HARS2: variants seen among roughly 807,000 people sequenced by gnomAD.
HARS2 encodes the protein histidine--tRNA ligase, mitochondrial.
Under a neutral mutation model 62.4 loss-of-function variants are expected in HARS2, and 40 were observed. That is an observed-to-expected ratio of 0.64 (90% confidence interval 0.50 to 0.83). The LOEUF (loss-of-function observed/expected upper bound fraction) is 0.83, where lower values mean the gene tolerates loss of function less well. Among genes scored for constraint, HARS2 ranks in the 40% least tolerant of loss-of-function variants. The pLI is 0.00. For missense variants in HARS2, 569 were observed against 626.4 expected, an observed-to-expected ratio of 0.91 and a Z score of 0.98; for synonymous variants, 228 against 227.0, an observed-to-expected ratio of 1.00 and a Z score of -0.04.
intron 1 of HARS2, chr5:140,692,391 G>A (rs1367869538): frequency 1.3e-5 from 2 of 154,538 alleles, no homozygotes; most frequent in African/African-American, 4.8e-5. Context: ...CTTAGCAGAT[G>A]CTTTGTGCTA....
chr5:140,696,401 C>A, intron 7 of HARS2, 120 bp from the exon 8 acceptor site: 2 of 860,158 alleles, frequency 2.3e-6, no homozygotes, highest in Non-Finnish European at 4.0e-6. Context: ...CTGTCTCTGA[C>A]TTTGCTGAGT....
intron 1 of HARS2, chr5:140,693,389 C>T (rs1272769713): frequency 9.5e-7 from 1 of 1,048,044 alleles, no homozygotes; most frequent in African/African-American, 1.6e-5. Context: ...AAGACCTGAC[C>T]TCATATATAT....
At chr5:140,693,404 C>A (rs992785011) in intron 1 of HARS2, 187 bp from the exon 2 acceptor site, 3 of 1,137,540 alleles carry the variant, frequency 2.6e-6, no homozygotes, top group Admixed American at 2.0e-5. Flanking sequence ...ATATATTACA[C>A]GTGTAATTGT....
chr5:140,695,681 C>T (rs1466802706), intron 5 of HARS2, 48 bp downstream of exon 5: 2 of 1,613,950 alleles, frequency 1.2e-6, no homozygotes, highest in Admixed American at 3.3e-5. Context: ...CTAGGGGCCA[C>T]AACCTTGAAA....
chr5:140,695,362 T>G, intron 4 of HARS2, 146 bp from the exon 5 acceptor site: 1 of 873,704 alleles, frequency 1.1e-6, no homozygotes, highest in Non-Finnish European at 2.0e-6. Flanking sequence ...TTCCAAGCAC[T>G]GCTAGGCCTT....
In HARS2 at chr5:140,695,501, A is replaced by G; in HGVS notation, c.400-7A>G. The G allele has an allele frequency of 1.9e-6, 3 of 1,614,002 alleles. No homozygotes were observed. The highest frequency in any genetic ancestry group is 2.5e-6 in the Non-Finnish European group (3 of 1,179,964). On this transcript the variant is annotated splice_region_variant and splice_polypyrimidine_tract_variant and intron_variant, in intron 4 of 12. Transcript: ENST00000230771. ...AGTATCCCTCTTCCTTAACCCATTTATGTGAGGTTCCCTTTGCTCGTTATC... is the reference window on the plus strand; with the variant it reads ...AGTATCCCTCTTCCTTAACCCATTTGTGTGAGGTTCCCTTTGCTCGTTATC...
In HARS2 at chr5:140,691,511, G is replaced by A; in HGVS notation, c.-138G>A. The A allele has an allele frequency of 1.3e-6, 1 of 749,394 alleles. No individual in the cohort carries two copies. The highest frequency in any genetic ancestry group is 2.0e-5 in the Admixed American group (1 of 49,082). 46.4% of individuals were successfully genotyped at this position (749,394 alleles called of 1,614,324 possible). On this transcript the variant is annotated 5_prime_UTR_variant, in exon 1 of 13. The change creates a new upstream start codon in the 5' untranslated region. Coordinates refer to ENST00000230771, the MANE Select transcript of HARS2 (RefSeq NM_012208.4). ...GATCCCACCTCAGCCTTCGTGACTA[G>A]TGAGGTGCGCAAACGCCCGAGTTTT...
At position 140,698,501 on chromosome 5, in the gene HARS2, T is replaced by A; in HGVS notation, c.1470T>A (p.Ile490=). ...ATTCTCTTATGTTTCAGGTGGCCATTAAACGGGAAAATTTTGTGGCTGAAA... is the reference window on the plus strand; with the variant it reads ...ATTCTCTTATGTTTCAGGTGGCCATAAAACGGGAAAATTTTGTGGCTGAAA... The part of the protein sequence containing the change: ...RSVASREEVA[I]KRENFVAEIQ... Residue 490 remains isoleucine (I), a synonymous_variant, in exon 13 of 13, where the codon ATT becomes ATA. Coordinates refer to ENST00000230771, the MANE Select transcript of HARS2 (RefSeq NM_012208.4). 6.2e-7 allele frequency: 1 copy of A among 1,610,904 alleles called. No individual in the cohort carries two copies. Among genetic ancestry groups the A allele is most frequent in the Non-Finnish European group, 8.5e-7 (1 of 1,177,040 alleles).
At position 140,696,639 on chromosome 5, in the gene HARS2, G is replaced by A. The variant is rs375303332; in HGVS notation, c.826+25G>A. The A allele has an allele frequency of 8.1e-6, 12 of 1,476,294 alleles. No homozygotes were observed. The African/African-American group carries it at 1.2e-4, about 15-fold the overall frequency. The allele number at this position is 1,476,294 out of a possible 1,614,324, so 91.4% of individuals were successfully genotyped here. A position where few individuals can be genotyped will look rare whatever the true frequency, so the allele number is the denominator to read the frequency against. Reference sequence around the variant, plus strand: ...GGTAAGAACCAGGGTTTTCAGAGCTGTGATAGAACCAGGCTGAAGGTGACA... The same window carrying A: ...GGTAAGAACCAGGGTTTTCAGAGCTATGATAGAACCAGGCTGAAGGTGACA... On this transcript the variant is annotated intron_variant, in intron 8 of 12. Coordinates refer to ENST00000230771, the MANE Select transcript of HARS2 (RefSeq NM_012208.4).
chr5:140,697,793 A>G (rs1759813534), intron 11 of HARS2, 108 bp downstream of exon 11: 1 of 1,225,580 alleles, frequency 8.2e-7, no homozygotes, highest in African/African-American at 1.5e-5. Flanking sequence ...TTAGTCTGCT[A>G]GCTACTACTG....
chr5:140,698,931 G>A lies in HARS2; in HGVS notation c.*379G>A. On this transcript the variant is annotated 3_prime_UTR_variant, in exon 13 of 13. Coordinates refer to ENST00000230771, the MANE Select transcript of HARS2 (RefSeq NM_012208.4). ...GAAACCAGATACTTAGCCTTCTACT[G>A]TAGCTACGGAACCAGATTCTGGTGA... The A allele has an allele frequency of 3.3e-6, 1 of 307,606 alleles. No individual in the cohort carries two copies. The highest frequency in any genetic ancestry group is 6.3e-6 in the Non-Finnish European group (1 of 158,110). The allele number at this position is 307,606 out of a possible 1,614,324, so 19.1% of individuals were successfully genotyped here. A position where few individuals can be genotyped will look rare whatever the true frequency, so the allele number is the denominator to read the frequency against.
Position 140,691,656 on chromosome 5 carries a change from T to G in HARS2, c.8T>G (p.Leu3Arg). The G allele has an allele frequency of 6.5e-7, 1 of 1,549,996 alleles. No individual in the cohort carries two copies. Among genetic ancestry groups the G allele is most frequent in the East Asian group, 2.4e-5 (1 of 40,936 alleles). Residue 3 changes from leucine to arginine, a missense_variant, in exon 1 of 13, where the codon CTG becomes CGG. Physicochemically the swap from Leu to Arg is moderately radical, Grantham distance 102. Transcript: ENST00000230771. ...CCGGCGTCCTGCCGCGCGATGCCCC[T>G]GCTCGGACTTCTTCCCAGGAGGGCC... is the stretch of plus-strand genomic sequence containing the variant. MP[L>R]LGLLPRRAWA...
At position 140,698,512 on chromosome 5, in the gene HARS2, A is replaced by G; in HGVS notation, c.1481A>G (p.Asn494Ser). ...TTTCAGGTGGCCATTAAACGGGAAA[A>G]TTTTGTGGCTGAAATTCAGAAGCGA... The part of the protein sequence containing the change: ...SREEVAIKRE[N>S]FVAEIQKRLS... Residue 494 changes from asparagine to serine, a missense_variant, in exon 13 of 13, where the codon AAT (asparagine) becomes AGT (serine). By Grantham distance (46) the Asn-to-Ser change is conservative. Coordinates refer to ENST00000230771, the MANE Select transcript of HARS2 (RefSeq NM_012208.4). The G allele has an allele frequency of 6.2e-7, 1 of 1,612,828 alleles. No individual in the cohort carries two copies. The highest frequency in any genetic ancestry group is 1.3e-5 in the African/African-American group (1 of 74,994).
chr5:140,696,873 T>A, intron 8 of HARS2, 70 bp from the exon 9 acceptor site: 2 of 1,197,172 alleles, frequency 1.7e-6, no homozygotes, highest in Non-Finnish European at 2.5e-6. Context: ...GAAGACTAGC[T>A]AGAGCACATT....
intron 10 of HARS2, 48 bp from the exon 11 acceptor site, chr5:140,697,521 T>G (rs775902829): frequency 6.3e-7 from 1 of 1,598,388 alleles, no homozygotes; most frequent in East Asian, 2.2e-5. Flanking sequence ...TTGGAATTGC[T>G]GGTGGAAAGG....
chr5:140,697,165 TCTC>T lies in HARS2; in HGVS notation c.959_961del (p.Ser320del). On this transcript the variant is annotated inframe_deletion and splice_region_variant, in exon 10 of 13. Transcript: ENST00000230771. ...CTGACTGTAATCTTGTCCCCACAGA[TCTC>T]CTTTGACCTCAGCCTGGCTCGGGGC... 6.2e-7 allele frequency: 1 copy of T among 1,614,162 alleles called. No homozygotes were observed. The highest frequency in any genetic ancestry group is 8.5e-7 in the Non-Finnish European group (1 of 1,180,030).
At position 140,697,022 on chromosome 5, in the gene HARS2, C is replaced by A. The variant is rs1163720808; in HGVS notation, c.906C>A (p.Asp302Glu). The change falls in exon 9 of 13, where the codon GAC becomes GAA. Residue 302 changes from aspartate (D) to glutamate (E), a missense_variant. Asp to Glu is a conservative substitution (Grantham distance 45). Transcript: ENST00000230771. The stretch of plus-strand genomic sequence containing the variant: ...AGCAGGCCCTGGAGGGCCTGGGAGA[C>A]CTAAAGCTGCTATTTGAATACCTGA... ...QNKQALEGLG[D>E]LKLLFEYLTL... 1 of 1,614,080 alleles carries A rather than the reference C, an allele frequency of 6.2e-7. No individual in the cohort carries two copies. Among genetic ancestry groups the A allele is most frequent in the Non-Finnish European group, 8.5e-7 (1 of 1,180,012 alleles).
At position 140,697,048 on chromosome 5, in the gene HARS2, C is replaced by T. The variant is rs145866248; in HGVS notation, c.932C>T (p.Thr311Ile). The change falls in exon 9 of 13, where the codon ACT (threonine) becomes ATT (isoleucine). Residue 311 changes from threonine to isoleucine, a missense_variant. Physicochemically the swap from Thr to Ile is moderately conservative, Grantham distance 89. Transcript: ENST00000230771. ...GDLKLLFEYL[T>I]LFGIADKISF... ...CTAAAGCTGCTATTTGAATACCTGA[C>T]TTTATTTGGAATTGCTGATAAGGTA... The T allele has an allele frequency of 9.9e-6, 16 of 1,614,022 alleles. No homozygotes were observed. Among genetic ancestry groups the T allele is most frequent in the Admixed American group, 1.7e-5 (1 of 60,008 alleles).
chr5:140,695,667 A>G (rs565719874), intron 5 of HARS2, 34 bp downstream of exon 5: 1 of 1,614,170 alleles, frequency 6.2e-7, no homozygotes, highest in Non-Finnish European at 8.5e-7. Flanking sequence ...ACAGTTTGAT[A>G]GTTCTAGGGG....
Sources: gnomAD v4.1 joint callset for allele counts on GRCh38, gnomAD v4.1.1 for gene constraint, MANE v1.5 for transcripts, NCBI Gene and HGNC (gene_info 2026-07-23, HGNC 2026-07-21) for gene names.